Variants in NRG3 observed in about 807,000 individuals in gnomAD.
NRG3 encodes the protein pro-neuregulin-3, membrane-bound isoform.
NRG3 carries 31 observed loss-of-function variants against 66.9 expected under a neutral mutation model. The observed-to-expected ratio is 0.46, with a 90% confidence interval of 0.35 to 0.63. The LOEUF (loss-of-function observed/expected upper bound fraction) is 0.63, where lower values mean the gene tolerates loss of function less well. Ranked by LOEUF, NRG3 falls within the 20% of genes least tolerant of loss-of-function variation. NRG3 has a pLI of 0.00. For synonymous variants in NRG3, 393 were observed against 359.4 expected (o/e 1.09, Z -1.06); for missense variants, 910 against 878.9 (o/e 1.04, Z -0.45).
chr10:81,875,893 C>G lies in NRG3; in HGVS notation c.553C>G (p.Arg185Gly), dbSNP rs903043829. 20 of 1,612,124 alleles carry G rather than the reference C, an allele frequency of 1.2e-5. No homozygotes were observed. The highest frequency in any genetic ancestry group is 1.1e-4 in the African/African-American group (8 of 74,930). ...IRASPRSTTA[R>G]NTAAPATVPS... ...GGCCAGCCCGCGCTCCACCACAGCA[C>G]GGAACACTGCGGCCCCTGCGACGGT... Residue 185 changes from arginine (R) to glycine (G), a missense_variant, in exon 1 of 9, where the codon CGG becomes GGG. Coordinates refer to ENST00000372141, the MANE Select transcript of NRG3 (RefSeq NM_001010848.4). The surrounding 1 kb of genome is among the most constrained non-coding windows in gnomAD (Gnocchi z 5.3).
chr10:82,316,589 C>G (rs1346242053), intron 1 of NRG3, among the ~76,000 whole-genome samples: 1 of 152,106 alleles, frequency 6.6e-6, no homozygotes, highest in Non-Finnish European at 1.5e-5. Flanking sequence ...CACTGTGGCC[C>G]GCATTACACA....
chr10:82,920,525 G>C (rs758832974), intron 4 of NRG3, among the ~76,000 whole-genome samples: 1 of 152,102 alleles, frequency 6.6e-6, no homozygotes, highest in African/African-American at 2.4e-5. Flanking sequence ...TGCCCTGTCA[G>C]TTGAGAGAGC....
Position 82,248,559 on chromosome 10 carries a change from T to TG in NRG3, c.824-110176dup, listed in dbSNP as rs1280530523. Among the ~76,000 whole-genome samples, 3 of 152,104 alleles carry TG rather than the reference T, an allele frequency of 2.0e-5. No individual in the cohort carries two copies. The South Asian group carries it at 6.2e-4, about 32-fold the overall frequency. The stretch of plus-strand genomic sequence containing the variant: ...GGTTTTAGCTTTCTTATTGGTGAAG[T>TG]GGGGATAATAATAGTATCTATTTTT... On this transcript the variant is annotated intron_variant, in intron 1 of 8. Transcript: ENST00000372141.
chr10:82,632,675 T>C (rs2049923136), intron 2 of NRG3, among the ~76,000 whole-genome samples: 2 of 152,344 alleles, frequency 1.3e-5, no homozygotes, highest in South Asian at 2.1e-4. Flanking sequence ...GCAATTAGTT[T>C]AGTAAATGCC....
chr10:82,341,463 T>C (rs1017532470), intron 1 of NRG3, among the ~76,000 whole-genome samples: 9 of 152,152 alleles, frequency 5.9e-5, no homozygotes, highest in African/African-American at 2.2e-4. Flanking sequence ...AAATGATATT[T>C]ATATTGGATT....
intron 1 of NRG3, among the ~76,000 whole-genome samples, chr10:81,955,558 G>A (rs1382995592): frequency 6.6e-6 from 1 of 152,062 alleles, no homozygotes; most frequent in Non-Finnish European, 1.5e-5. Context: ...TGGCAAATGG[G>A]CTTAAAAATC....
chr10:81,939,736 A>AT (rs1219773298), intron 1 of NRG3, among the ~76,000 whole-genome samples: 3 of 136,890 alleles, frequency 2.2e-5, no homozygotes, highest in Non-Finnish European at 3.2e-5. Context: ...ACTCTTGTTG[A>AT]TTTTTTCCTA....
chr10:82,890,892 G>A (rs192227972), intron 4 of NRG3, among the ~76,000 whole-genome samples: 145 of 152,150 alleles, frequency 9.5e-4, no homozygotes, highest in African/African-American at 3.2e-3. Flanking sequence ...TGAGAATTTG[G>A]ACAATTTTCG....
rs1435194122 is a variant in NRG3, at chr10:82,951,480, G to C, written c.1066G>C (p.Val356Leu). ...LGIEFMESEEVYQRQVLSISC... is the reference protein window; with the variant it reads ...LGIEFMESEELYQRQVLSISC... ...TTTCAAATTCACAGAGAGTGAAGAA[G>C]TTTATCAAAGGCAGGTGCTGTCAAT... Residue 356 changes from valine to leucine, a missense_variant, in exon 5 of 9, where the codon GTT becomes CTT. Val to Leu is a conservative substitution (Grantham distance 32, BLOSUM62 1). Transcript: ENST00000372141. 1 of 1,613,776 alleles carries C rather than the reference G, an allele frequency of 6.2e-7. No homozygotes were observed. Among genetic ancestry groups the C allele is most frequent in the Non-Finnish European group, 8.5e-7 (1 of 1,179,698 alleles).
chr10:82,115,247 G>C (rs1478087098), intron 1 of NRG3, among the ~76,000 whole-genome samples: 1 of 151,982 alleles, frequency 6.6e-6, no homozygotes, highest in Non-Finnish European at 1.5e-5. Flanking sequence ...TTTACTGAGA[G>C]CTTCCCCACC....
chr10:82,910,139 A>C (rs1298617712), intron 4 of NRG3, among the ~76,000 whole-genome samples: 1 of 152,220 alleles, frequency 6.6e-6, no homozygotes, highest in Non-Finnish European at 1.5e-5. Flanking sequence ...AGAACTGTGA[A>C]GATTCAACAC....
At chr10:82,529,124 T>A (rs1164694514) in intron 2 of NRG3, among the ~76,000 whole-genome samples, 1 of 152,232 alleles carries the variant, frequency 6.6e-6, no homozygotes, top group Non-Finnish European at 1.5e-5. Context: ...TCATGATTCT[T>A]TCCAAATGCA....
chr10:82,521,402 G>A (rs1846163974), intron 2 of NRG3, among the ~76,000 whole-genome samples: 1 of 152,038 alleles, frequency 6.6e-6, no homozygotes, highest in Non-Finnish European at 1.5e-5. Context: ...GTGCAGTGGT[G>A]TGATCTCGGC....
At chr10:82,609,560 G>T (rs1201809096) in intron 2 of NRG3, among the ~76,000 whole-genome samples, 1 of 149,242 alleles carries the variant, frequency 6.7e-6, no homozygotes, top group Non-Finnish European at 1.5e-5. Flanking sequence ...ACATTAACAA[G>T]TTATATTGTG....
At chr10:81,974,102 G>C (rs181020207) in intron 1 of NRG3, among the ~76,000 whole-genome samples, 29 of 152,162 alleles carry the variant, frequency 1.9e-4, no homozygotes, top group Admixed American at 1.7e-3. Flanking sequence ...TATGGAAGGG[G>C]TCCAGTTTTA....
At chr10:82,787,036 AATTTTCTGTTATTATCAG>A (rs1233207471) in intron 3 of NRG3, among the ~76,000 whole-genome samples, 1 of 152,148 alleles carries the variant, frequency 6.6e-6, no homozygotes, top group East Asian at 1.9e-4. Flanking sequence ...CCCAGTCTCA[AATTTTCTGTTATTATCAG>A]CACAAAACAG....
At chr10:82,288,835 C>T (rs1010873920) in intron 1 of NRG3, among the ~76,000 whole-genome samples, 2 of 152,136 alleles carry the variant, frequency 1.3e-5, no homozygotes, top group East Asian at 1.9e-4. Context: ...GTGAAACACA[C>T]GATTGTGAGA....
Position 82,044,725 on chromosome 10 carries a change from G to A in NRG3, c.823+168562G>A, listed in dbSNP as rs553816028. On this transcript the variant is annotated intron_variant, in intron 1 of 8. Transcript: ENST00000372141. ...ATATCTCCTAATGCTATCCCTCCCT[G>A]CTCTCCCCACCCCACAGAGTGTGAT... Among the ~76,000 whole-genome samples, 38 of 151,346 alleles carry A rather than the reference G, an allele frequency of 2.5e-4. No homozygotes were observed. In the East Asian group the frequency reaches 4.3e-3, roughly 17 times the overall value.
In NRG3 at chr10:82,742,230, T is replaced by C. The variant is rs547819124; in HGVS notation, c.1027+3580T>C. Among the ~76,000 whole-genome samples the C allele has an allele frequency of 4.6e-5, 7 of 152,240 alleles. No homozygotes were observed. In the South Asian group the frequency reaches 1.4e-3, roughly 32 times the overall value. Reference sequence around the variant, plus strand: ...CAGGCAATGCAAAGTTAGTCAGAAATGTGTATCTTTTACATTAAATTTTAA... The same window carrying C: ...CAGGCAATGCAAAGTTAGTCAGAAACGTGTATCTTTTACATTAAATTTTAA... On this transcript the variant is annotated intron_variant, in intron 3 of 8. Coordinates refer to ENST00000372141, the MANE Select transcript of NRG3 (RefSeq NM_001010848.4).
Sources: gnomAD v4.1 joint callset for allele counts (sites outside exome capture counted in the v4.1 genomes callset) on GRCh38, gnomAD v4.1.1 for gene constraint, Gnocchi (gnomAD v3.1) non-coding constraint, MANE v1.5 for transcripts, NCBI Gene and HGNC (gene_info 2026-07-23, HGNC 2026-07-21) for gene names.